DNMBP: variants seen among roughly 807,000 people sequenced by gnomAD.
The protein encoded by DNMBP is dynamin binding protein, also known as dynamin-binding protein.
DNMBP carries 87 observed loss-of-function variants against 150.0 expected under a neutral mutation model. The ratio of observed to expected loss-of-function variants is 0.58; its 90% CI spans 0.49 to 0.69. The LOEUF (loss-of-function observed/expected upper bound fraction) is 0.69. DNMBP is among the 30% of genes least tolerant of loss of function. The pLI, the probability that DNMBP is intolerant of heterozygous loss-of-function variation, is 0.00. For synonymous variants in DNMBP, 711 were observed against 750.4 expected (o/e 0.95, Z 0.86); for missense variants, 1,774 against 1,949.0 (o/e 0.91, Z 1.69).
rs372557454 is a variant in DNMBP, at chr10:99,969,149, T to A, written c.234A>T (p.Thr78=). 3 of 1,614,050 alleles carry A rather than the reference T, an allele frequency of 1.9e-6. No homozygotes were observed. The African/African-American group carries it at 4.0e-5, about 22-fold the overall frequency. Residue 78 remains threonine (T), a synonymous_variant, in exon 3 of 17, where the codon ACA becomes ACT. Transcript: ENST00000324109. The part of the protein sequence containing the change: ...ERLFVCICEF[T]SQELDNLPLH... ...GGGGAAGATTATCCAACTCTTGGGA[T>A]GTGAATTCACAAATGCACACAAACA...
rs558190361 is a variant in DNMBP, at chr10:99,896,112, G to A, written c.3051+155C>T. 9.9e-5 allele frequency among the ~76,000 whole-genome samples: 15 copies of A among 152,250 alleles called. 1 individual carries two copies. In the East Asian group the frequency reaches 1.3e-3, roughly 14 times the overall value. On this transcript the variant is annotated intron_variant, in intron 10 of 16. Transcript: ENST00000324109. ...TGATCTGACCCTCTAATTTGCCTTT[G>A]TAACCAGCAGCTGGAGGGCCCTGTC...
intron 4 of DNMBP, among the ~76,000 whole-genome samples, chr10:99,935,183 C>G (rs546555622): frequency 3.1e-4 from 46 of 149,022 alleles, no homozygotes; most frequent in South Asian, 1.1e-3. Context: ...CAGCAGAAGT[C>G]AGTTTGGAAA....
At chr10:100,005,852 T>C (rs376444392) in intron 1 of DNMBP, among the ~76,000 whole-genome samples, 16 of 150,164 alleles carry the variant, frequency 1.1e-4, no homozygotes, top group East Asian at 9.7e-4. Flanking sequence ...AAACAAACAT[T>C]CCCACTTTGC....
At position 99,990,768 on chromosome 10, in the gene DNMBP, TATATACACATATATACACAC is replaced by T. The variant is rs1158739436; in HGVS notation, c.-10-18654_-10-18635del. Reference sequence around the variant, plus strand: ...ACATGTATATACACATATATACACATATATACACATATATACACACATATATACACACATATATACACATA... The same window carrying T: ...ACATGTATATACACATATATACACATATATATACACACATATATACACATA... On this transcript the variant is annotated intron_variant, in intron 1 of 16. Coordinates refer to ENST00000324109, the MANE Select transcript of DNMBP (RefSeq NM_015221.4). 9.4e-3 allele frequency among the ~76,000 whole-genome samples: 1,139 copies of T among 121,142 alleles called. 13 individuals carry two copies. Among genetic ancestry groups the T allele is most frequent in the Middle Eastern group, 0.048 (13 of 272 alleles). The allele number at this position is 121,142 out of a possible 152,430, so 79.5% of individuals were successfully genotyped here.
At chr10:99,915,108 A>AAAAAATATATATATATATATAT (rs10654940) in intron 4 of DNMBP, among the ~76,000 whole-genome samples, 1 of 99,802 alleles carries the variant, frequency 1.0e-5, no homozygotes. Context: ...AAAAAAAAAA[A>AAAAAATATATATATATATATAT]ATATATATAT....
intron 1 of DNMBP, among the ~76,000 whole-genome samples, chr10:99,988,277 TAC>T (rs2040850120): frequency 6.6e-6 from 1 of 152,222 alleles, no homozygotes; most frequent in Non-Finnish European, 1.5e-5. Context: ...ACTTTTTTGT[TAC>T]AGATTTTTAC....
At chr10:99,881,946 C>CT (rs2039373871) in intron 15 of DNMBP, among the ~76,000 whole-genome samples, 1 of 152,130 alleles carries the variant, frequency 6.6e-6, no homozygotes, top group Non-Finnish European at 1.5e-5. Flanking sequence ...AATTCAGATT[C>CT]TTTTTAATTC....
intron 1 of DNMBP, among the ~76,000 whole-genome samples, chr10:99,988,180 A>C (rs2040849341): frequency 1.3e-5 from 2 of 152,228 alleles, no homozygotes. Context: ...ATAAGTTTAA[A>C]TGTTAAATCA....
In DNMBP at chr10:99,885,838, T is replaced by C. The variant is rs770257960; in HGVS notation, c.3647A>G (p.Asn1216Ser). ...SLLKVAGREGNLIAIFHEEHS... is the reference protein window; with the variant it reads ...SLLKVAGREGSLIAIFHEEHS... ...CTCTTCGTGGAAGATGGCAATAAGG[T>C]TTCCCTCTCTGCCAGCCACTTTGAG... The change falls in exon 14 of 17, where the codon AAC (asparagine) becomes AGC (serine). Residue 1216 changes from asparagine to serine, a missense_variant. Physicochemically the swap from Asn to Ser is conservative, Grantham distance 46. This residue lies in a region of DNMBP where 1,430 missense variants were observed against 1,492.5 expected (regional missense o/e 0.96). Coordinates refer to ENST00000324109, the MANE Select transcript of DNMBP (RefSeq NM_015221.4). 1 of 1,612,830 alleles carries C rather than the reference T, an allele frequency of 6.2e-7. No homozygotes were observed.
At chr10:99,998,039 T>G (rs531521445) in intron 1 of DNMBP, among the ~76,000 whole-genome samples, 67 of 139,128 alleles carry the variant, frequency 4.8e-4, no homozygotes, top group Admixed American at 1.0e-3. Context: ...ATCAAGACCA[T>G]CCTGGCTAAC....
intron 11 of DNMBP, among the ~76,000 whole-genome samples, chr10:99,890,387 C>T (rs2039538332): frequency 6.6e-6 from 1 of 152,184 alleles, no homozygotes; most frequent in Admixed American, 6.5e-5. Context: ...AACATTTTCT[C>T]TCAATTTCTG....
chr10:99,909,512 C>T (rs926404659), intron 4 of DNMBP, among the ~76,000 whole-genome samples: 2 of 152,052 alleles, frequency 1.3e-5, no homozygotes, highest in African/African-American at 4.8e-5. Context: ...GATCAAAGCA[C>T]CAGAAATAAC....
intron 16 of DNMBP, 38 bp downstream of exon 16, chr10:99,879,773 C>A (rs750024463): frequency 1.1e-5 from 18 of 1,605,474 alleles, no homozygotes; most frequent in Non-Finnish European, 1.5e-5. Flanking sequence ...ACATCTGCTG[C>A]CGCCTGTGCC....
chr10:99,989,668 G>A (rs968024599), intron 1 of DNMBP, among the ~76,000 whole-genome samples: 5 of 152,030 alleles, frequency 3.3e-5, no homozygotes, highest in South Asian at 4.1e-4. Context: ...CCGAGATCGC[G>A]CCATCGCACT....
intron 1 of DNMBP, 58 bp from the exon 2 acceptor site, chr10:99,972,192 G>T: frequency 7.0e-7 from 1 of 1,427,930 alleles, no homozygotes; most frequent in Non-Finnish European, 9.5e-7. Flanking sequence ...CTGCAATATA[G>T]ATCTATTTCT....
chr10:99,957,010 C>A lies in DNMBP; in HGVS notation c.464G>T (p.Gly155Val). ...CTCTTCATCCAGCTGAGCAGAAAGC[C>A]CCATTAGGGCCCGGGCTTGTCCCAT... ...YSMGQARALMGLSAQLDEELD... is the reference protein window; with the variant it reads ...YSMGQARALMVLSAQLDEELD... The change falls in exon 4 of 17, where the codon GGG becomes GTG. Residue 155 changes from glycine to valine, a missense_variant. By Grantham distance (109) the Gly-to-Val change is moderately radical. Transcript: ENST00000324109. 4 of 1,614,198 alleles carry A rather than the reference C, an allele frequency of 2.5e-6. No individual in the cohort carries two copies. The highest frequency in any genetic ancestry group is 3.4e-6 in the Non-Finnish European group (4 of 1,180,026).
intron 4 of DNMBP, among the ~76,000 whole-genome samples, chr10:99,954,627 C>T (rs569250806): frequency 2.0e-5 from 3 of 151,546 alleles, no homozygotes; most frequent in African/African-American, 7.3e-5. Context: ...GCCTGTAATC[C>T]CAGCTACTCA....
At chr10:99,910,808 G>A (rs950872043) in intron 4 of DNMBP, among the ~76,000 whole-genome samples, 1 of 152,152 alleles carries the variant, frequency 6.6e-6, no homozygotes. Flanking sequence ...AAGCACAATG[G>A]ATTATTCCAC....
At chr10:99,892,754 T>TA (rs927475886) in intron 11 of DNMBP, among the ~76,000 whole-genome samples, 5 of 150,100 alleles carry the variant, frequency 3.3e-5, no homozygotes, top group African/African-American at 1.2e-4. Context: ...GAATTATCAA[T>TA]AAAAAAATAA....
Sources: allele counts gnomAD v4.1 joint callset (sites outside exome capture counted in the v4.1 genomes callset), GRCh38; gene constraint gnomAD v4.1.1; regional missense constraint gnomAD v4.1.1; transcripts MANE v1.5; gene names NCBI Gene and HGNC (gene_info 2026-07-23, HGNC 2026-07-21).